The following CTNND2 variants were observed in gnomAD, a reference collection of about 807,000 sequenced individuals.
The protein encoded by CTNND2 is catenin delta-2.
In CTNND2, 22 loss-of-function variants were observed where a neutral mutation model predicts 144.4. The observed-to-expected ratio is 0.15, with a 90% CI of 0.11 to 0.22. CTNND2 has a LOEUF of 0.22. CTNND2 is among the 10% of genes least tolerant of loss of function. CTNND2 has a pLI of 1.00. For missense variants in CTNND2, 1,353 were observed against 1,618.8 expected (o/e 0.84, Z 2.82); for synonymous variants, 751 against 695.6 (o/e 1.08, Z -1.25).
chr5:11,086,392 C>G (rs1284364185), intron 15 of CTNND2, among the ~76,000 whole-genome samples: 2 of 152,116 alleles, frequency 1.3e-5, no homozygotes, highest in East Asian at 3.9e-4. Flanking sequence ...CGGGACTATA[C>G]CTGTAAGACC....
chr5:11,829,260 T>C, intron 1 of CTNND2, among the ~76,000 whole-genome samples: 1 of 151,980 alleles, frequency 6.6e-6, no homozygotes, highest in Non-Finnish European at 1.5e-5. Flanking sequence ...CTGGCAGAAA[T>C]TTATATAAGT....
At position 11,413,602 on chromosome 5, in the gene CTNND2, C is replaced by A. The variant is rs1401902716; in HGVS notation, c.288-1533G>T. On this transcript the variant is annotated intron_variant, in intron 3 of 21. Transcript: ENST00000304623. ...TGTGTCAGAATCACCTGTAGCATTTCTTAAGTATATGTATTTTGGGGCCCT... is the reference window on the plus strand; with the variant it reads ...TGTGTCAGAATCACCTGTAGCATTTATTAAGTATATGTATTTTGGGGCCCT... 2.0e-5 allele frequency among the ~76,000 whole-genome samples: 3 copies of A among 152,174 alleles called. 1 individual carries two copies. Among genetic ancestry groups the A allele is most frequent in the Admixed American group, 1.3e-4 (2 of 15,274 alleles).
chr5:11,170,937 T>C (rs768483046), intron 11 of CTNND2, among the ~76,000 whole-genome samples: 23 of 152,234 alleles, frequency 1.5e-4, no homozygotes, highest in Admixed American at 9.2e-4. Context: ...GAACTGCCCT[T>C]TATAAAACCA....
chr5:11,528,458 G>A (rs149195346), intron 3 of CTNND2, among the ~76,000 whole-genome samples: 27 of 152,168 alleles, frequency 1.8e-4, no homozygotes, highest in African/African-American at 4.1e-4. Flanking sequence ...TCAAGAGTTC[G>A]TCCTCCATGT....
intron 1 of CTNND2, among the ~76,000 whole-genome samples, chr5:11,796,102 C>G (rs1791386568): frequency 6.6e-6 from 1 of 152,186 alleles, no homozygotes; most frequent in Admixed American, 6.5e-5. Flanking sequence ...ACAGACACAC[C>G]CAGGGAAGGT....
At chr5:11,346,299 G>A (rs1220353075) in intron 9 of CTNND2, 73 bp downstream of exon 9, 10 of 1,284,596 alleles carry the variant, frequency 7.8e-6, no homozygotes, top group Admixed American at 3.0e-5. Flanking sequence ...GCAACATGAC[G>A]TGAAATAAAT....
intron 1 of CTNND2, among the ~76,000 whole-genome samples, chr5:11,880,132 ATTC>A (rs1197155435): frequency 6.6e-6 from 1 of 152,160 alleles, no homozygotes; most frequent in Non-Finnish European, 1.5e-5. Flanking sequence ...ACCTAACTTA[ATTC>A]ATCCTGATAC....
chr5:11,779,448 A>G (rs1472716268), intron 1 of CTNND2, among the ~76,000 whole-genome samples: 3 of 152,214 alleles, frequency 2.0e-5, no homozygotes, highest in Middle Eastern at 3.2e-3. Flanking sequence ...GTTGACTCCA[A>G]TCGACCTAGT....
intron 16 of CTNND2, among the ~76,000 whole-genome samples, chr5:11,066,578 C>G (rs963714333): frequency 1.4e-5 from 2 of 147,770 alleles, no homozygotes; most frequent in African/African-American, 5.0e-5. Context: ...CTGTATAAAA[C>G]CAAGTGCACC....
rs1561829604 is a variant in CTNND2, at chr5:11,817,405, AG to A, written c.38-85134del. On this transcript the variant is annotated intron_variant, in intron 1 of 21. Coordinates refer to ENST00000304623, the MANE Select transcript of CTNND2 (RefSeq NM_001332.4). Reference sequence around the variant, plus strand: ...AGAGAGGGGGGAGAGAGAGAGAGAGAGGAGGGAGAGAGAGAGAGAGAGAGAG... The same window carrying A: ...AGAGAGGGGGGAGAGAGAGAGAGAGAGAGGGAGAGAGAGAGAGAGAGAGAG... Among the ~76,000 whole-genome samples the A allele has an allele frequency of 8.5e-5, 2 of 23,512 alleles. 1 individual carries two copies. The highest frequency in any genetic ancestry group is 4.3e-4 in the African/African-American group (2 of 4,662). 15.4% of individuals were successfully genotyped at this position (23,512 alleles called of 152,430 possible).
chr5:11,646,150 C>T (rs1782335286), intron 2 of CTNND2, among the ~76,000 whole-genome samples: 1 of 151,834 alleles, frequency 6.6e-6, no homozygotes, highest in African/African-American at 2.4e-5. Flanking sequence ...AGCCCATGGG[C>T]CCTCCCTCTA....
chr5:11,354,749 G>A (rs761236911), intron 8 of CTNND2, among the ~76,000 whole-genome samples: 4 of 152,038 alleles, frequency 2.6e-5, no homozygotes, highest in Non-Finnish European at 4.4e-5. Context: ...CAGACCAAAG[G>A]GACCTAACAG....
At chr5:11,786,570 G>A (rs1790845089) in intron 1 of CTNND2, among the ~76,000 whole-genome samples, 1 of 152,184 alleles carries the variant, frequency 6.6e-6, no homozygotes, top group Admixed American at 6.5e-5. Flanking sequence ...CAGATAAAAT[G>A]TTTTCAGATG....
chr5:11,025,139 T>C (rs780453368), intron 16 of CTNND2, among the ~76,000 whole-genome samples: 2 of 152,246 alleles, frequency 1.3e-5, no homozygotes, highest in Non-Finnish European at 2.9e-5. Context: ...ATCAGTCTAC[T>C]ATTTATCAGT....
At chr5:11,488,688 C>T (rs1769086840) in intron 3 of CTNND2, among the ~76,000 whole-genome samples, 1 of 152,078 alleles carries the variant, frequency 6.6e-6, no homozygotes, top group African/African-American at 2.4e-5. Context: ...TAAAAATTTC[C>T]CTCATGCAAT....
At chr5:10,997,442 A>T (rs1272855389) in intron 18 of CTNND2, among the ~76,000 whole-genome samples, 1 of 152,102 alleles carries the variant, frequency 6.6e-6, no homozygotes, top group African/African-American at 2.4e-5. Context: ...AAATACAAAA[A>T]TTAGCTGGGC....
intron 2 of CTNND2, among the ~76,000 whole-genome samples, chr5:11,621,489 G>A (rs1366133507): frequency 6.6e-6 from 1 of 151,896 alleles, no homozygotes; most frequent in East Asian, 1.9e-4. Flanking sequence ...TTTAACTTTG[G>A]AATTTGTATT....
intron 10 of CTNND2, among the ~76,000 whole-genome samples, 159 bp from the exon 11 acceptor site, chr5:11,199,820 T>C (rs937314478): frequency 7.2e-5 from 11 of 152,268 alleles, no homozygotes; most frequent in African/African-American, 2.4e-4. Context: ...GTTTGCTTTA[T>C]ATTTGATTGC....
At chr5:11,628,397 G>A (rs11133659) in intron 2 of CTNND2, among the ~76,000 whole-genome samples, 30,398 of 152,030 alleles carry the variant, frequency 0.2, 3,393 homozygotes, top group Non-Finnish European at 0.26. Flanking sequence ...TCTCAAAACA[G>A]TACAATGTAG....
Sources: gnomAD v4.1 joint callset for allele counts (sites outside exome capture counted in the v4.1 genomes callset) on GRCh38, gnomAD v4.1.1 for gene constraint, MANE v1.5 for transcripts, NCBI Gene and HGNC (gene_info 2026-07-23, HGNC 2026-07-21) for gene names.